The following EXOC6B variants were observed in gnomAD, a reference collection of about 807,000 sequenced individuals.
EXOC6B encodes exocyst complex component 6B.
A neutral mutation model predicts 113.5 loss-of-function variants in EXOC6B; 54 were observed. That is an observed-to-expected ratio of 0.48 (90% CI 0.38 to 0.60). EXOC6B has a LOEUF of 0.60. EXOC6B is among the 20% of genes least tolerant of loss of function. The pLI is 0.00. For missense variants in EXOC6B, 797 were observed against 977.5 expected, an observed-to-expected ratio of 0.82 and a Z score of 2.46; for synonymous variants, 357 against 339.0, an observed-to-expected ratio of 1.05 and a Z score of -0.58.
chr2:72,644,108 T>C (rs1015578348), intron 6 of EXOC6B, among the ~76,000 whole-genome samples: 16 of 152,112 alleles, frequency 1.1e-4, no homozygotes, highest in Non-Finnish European at 2.2e-4. Flanking sequence ...TTAAATGAAC[T>C]GATGGAGCTG....
intron 20 of EXOC6B, among the ~76,000 whole-genome samples, chr2:72,266,313 A>T (rs1378836507): frequency 2.0e-5 from 3 of 149,020 alleles, no homozygotes; most frequent in Non-Finnish European, 3.0e-5. Flanking sequence ...GGTGTTTTAG[A>T]CATGAAGTCC....
intron 6 of EXOC6B, among the ~76,000 whole-genome samples, chr2:72,632,477 G>T (rs1672535494): frequency 6.6e-6 from 1 of 152,024 alleles, no homozygotes; most frequent in African/African-American, 2.4e-5. Flanking sequence ...CTTAAATATG[G>T]AAATGGTTAT....
chr2:72,706,150 T>A (rs1412933436), intron 6 of EXOC6B, among the ~76,000 whole-genome samples: 1 of 152,216 alleles, frequency 6.6e-6, no homozygotes, highest in Non-Finnish European at 1.5e-5. Context: ...CCCTTCTGGA[T>A]AATTCTTTGC....
chr2:72,216,429 T>G (rs1223365226), intron 20 of EXOC6B, among the ~76,000 whole-genome samples: 6 of 152,174 alleles, frequency 3.9e-5, no homozygotes, highest in African/African-American at 1.4e-4. Context: ...TGTGGAGAAA[T>G]AGGAATGCTT....
intron 1 of EXOC6B, among the ~76,000 whole-genome samples, chr2:72,794,510 T>G (rs1258421031): frequency 1.3e-5 from 2 of 152,176 alleles, no homozygotes; most frequent in African/African-American, 4.8e-5. Context: ...CAAAAACACT[T>G]TAATCGGTTC....
Position 72,548,481 on chromosome 2 carries a change from T to C in EXOC6B, c.915+10972A>G, listed in dbSNP as rs540709841. ...AGGCCAAAAGTTCAGATAAACACTA[T>C]TGTAAATGACAAAATATTAGAACTT... On this transcript the variant is annotated intron_variant, in intron 8 of 21. Coordinates refer to ENST00000272427, the MANE Select transcript of EXOC6B (RefSeq NM_015189.3). Among the ~76,000 whole-genome samples, 57 of 152,318 alleles carry C rather than the reference T, an allele frequency of 3.7e-4. 1 individual carries two copies. The highest frequency in any genetic ancestry group is 1.4e-3 in the African/African-American group (57 of 41,578).
Position 72,244,937 on chromosome 2 carries a change from T to C in EXOC6B, c.2197-60750A>G, listed in dbSNP as rs111906934. Reference sequence around the variant, plus strand: ...TACTTAGGTATAAATTAACAAAACGTACAGATTTATATGAGGAAAACTACA... The same window carrying C: ...TACTTAGGTATAAATTAACAAAACGCACAGATTTATATGAGGAAAACTACA... On this transcript the variant is annotated intron_variant, in intron 20 of 21. Transcript: ENST00000272427. 3.3e-5 allele frequency among the ~76,000 whole-genome samples: 5 copies of C among 152,242 alleles called. 1 individual carries two copies. Among genetic ancestry groups the C allele is most frequent in the African/African-American group, 1.2e-4 (5 of 41,572 alleles).
chr2:72,367,116 A>C (rs1027573410), intron 19 of EXOC6B, among the ~76,000 whole-genome samples: 2 of 152,184 alleles, frequency 1.3e-5, no homozygotes, highest in African/African-American at 4.8e-5. Flanking sequence ...TAGACTATGT[A>C]GAAGTAATAT....
chr2:72,183,665 A>G (rs1186265583), intron 21 of EXOC6B, among the ~76,000 whole-genome samples: 2 of 152,168 alleles, frequency 1.3e-5, no homozygotes, highest in Non-Finnish European at 2.9e-5. Context: ...CAGAGAAACC[A>G]TCTGTTCTGT....
Position 72,440,866 on chromosome 2 carries a change from G to A in EXOC6B, c.1980+24294C>T, listed in dbSNP as rs141510721. 4.6e-5 allele frequency among the ~76,000 whole-genome samples: 7 copies of A among 152,090 alleles called. No homozygotes were observed. In the East Asian group the frequency reaches 1.4e-3, roughly 29 times the overall value. On this transcript the variant is annotated intron_variant, in intron 18 of 21. Transcript: ENST00000272427. ...CGAAGCAAATGAAAACCAGAAAAGAGCAGGGATTGCTATCCTACTTTCTGA... is the reference window on the plus strand; with the variant it reads ...CGAAGCAAATGAAAACCAGAAAAGAACAGGGATTGCTATCCTACTTTCTGA...
intron 20 of EXOC6B, among the ~76,000 whole-genome samples, chr2:72,199,001 C>T (rs1679333317): frequency 6.6e-6 from 1 of 152,100 alleles, no homozygotes; most frequent in East Asian, 1.9e-4. Flanking sequence ...AAAGAACCTC[C>T]AAGAAGAGCA....
intron 5 of EXOC6B, among the ~76,000 whole-genome samples, chr2:72,730,579 GACACACACACACACACAC>G (rs3034987): frequency 6.9e-5 from 10 of 144,456 alleles, no homozygotes; most frequent in African/African-American, 1.1e-4. Flanking sequence ...AACAGACAGA[GACACACACACACACACAC>G]ACACACACAC....
chr2:72,213,892 G>C (rs998248014), intron 20 of EXOC6B, among the ~76,000 whole-genome samples: 1 of 152,104 alleles, frequency 6.6e-6, no homozygotes, highest in Non-Finnish European at 1.5e-5. Flanking sequence ...ACTGTGAGAA[G>C]TAAATTTCTG....
intron 1 of EXOC6B, among the ~76,000 whole-genome samples, chr2:72,791,982 T>G (rs1482822145): frequency 6.6e-6 from 1 of 152,192 alleles, no homozygotes; most frequent in Non-Finnish European, 1.5e-5. Context: ...GTTAAAGAAT[T>G]TATCCTAGAT....
At chr2:72,625,180 T>G (rs1671980147) in intron 6 of EXOC6B, among the ~76,000 whole-genome samples, 1 of 151,064 alleles carries the variant, frequency 6.6e-6, no homozygotes, top group Non-Finnish European at 1.5e-5. Flanking sequence ...CCTCCCAAAC[T>G]GCTGGGATTA....
intron 6 of EXOC6B, among the ~76,000 whole-genome samples, chr2:72,691,235 C>G (rs1273553497): frequency 6.6e-6 from 1 of 152,022 alleles, no homozygotes; most frequent in South Asian, 2.1e-4. Flanking sequence ...TGGCAGCAAC[C>G]ATAAGCTAGG....
At chr2:72,211,199 C>T (rs372522512) in intron 20 of EXOC6B, among the ~76,000 whole-genome samples, 2 of 152,180 alleles carry the variant, frequency 1.3e-5, no homozygotes, top group African/African-American at 2.4e-5. Context: ...CAGTTAGTGA[C>T]GTACTGACAG....
chr2:72,496,406 A>C lies in EXOC6B; in HGVS notation c.1443+48T>G, dbSNP rs376461076. On this transcript the variant is annotated intron_variant, in intron 14 of 21. Transcript: ENST00000272427. The stretch of plus-strand genomic sequence containing the variant: ...CAAACTGATCCAATGAAAGCTTTTA[A>C]GAGGATGCCAAAACAACCAGAGAAA... The C allele has an allele frequency of 2.5e-5, 29 of 1,162,502 alleles. No individual in the cohort carries two copies. In the African/African-American group the frequency reaches 3.5e-4, roughly 14 times the overall value. 72.0% of individuals were successfully genotyped at this position (1,162,502 alleles called of 1,614,324 possible). A position where few individuals can be genotyped will look rare whatever the true frequency, so the allele number is the denominator to read the frequency against.
chr2:72,595,409 A>T (rs1670019589), intron 6 of EXOC6B, among the ~76,000 whole-genome samples: 1 of 149,836 alleles, frequency 6.7e-6, no homozygotes, highest in South Asian at 2.1e-4. Flanking sequence ...GTATTAAAAT[A>T]AAAAATTTTG....
Sources: allele counts gnomAD v4.1 joint callset (sites outside exome capture counted in the v4.1 genomes callset), GRCh38; gene constraint gnomAD v4.1.1; transcripts MANE v1.5; gene names NCBI Gene and HGNC (gene_info 2026-07-23, HGNC 2026-07-21).